The following SLC38A10 variants were observed in gnomAD, a reference collection of about 807,000 sequenced individuals.
The protein encoded by SLC38A10 is solute carrier family 38 member 10.
Under a neutral mutation model 81.0 loss-of-function variants are expected in SLC38A10, and 53 were observed. The ratio of observed to expected loss-of-function variants is 0.65; its 90% CI spans 0.53 to 0.82. The LOEUF is 0.82. Ranked by LOEUF, SLC38A10 falls within the 40% of genes least tolerant of loss-of-function variation. SLC38A10 has a pLI of 0.00. For missense variants in SLC38A10, 1,471 were observed against 1,545.0 expected, an observed-to-expected ratio of 0.95 and a Z score of 0.80; for synonymous variants, 665 against 655.3, an observed-to-expected ratio of 1.01 and a Z score of -0.23.
Position 81,277,054 on chromosome 17 carries a change from C to T in SLC38A10, c.706G>A (p.Val236Met). The T allele has an allele frequency of 6.2e-7, 1 of 1,614,008 alleles. No homozygotes were observed. Among genetic ancestry groups the T allele is most frequent in the Middle Eastern group, 1.7e-4 (1 of 6,058 alleles). ...ACCATGACGTAGAAGGTGGTGACCA[C>T]ATTAAGGGAGGAAGCAAATATGGAG... is the stretch of plus-strand genomic sequence containing the variant. Reference protein sequence around the residue: ...MSSIFASSLNVVTTFYVMVGF... With the variant: ...MSSIFASSLNMVTTFYVMVGF... Residue 236 changes from valine (V) to methionine (M), a missense_variant, in exon 7 of 16, where the codon GTG becomes ATG. By Grantham distance (21) the Val-to-Met change is conservative. Coordinates refer to ENST00000374759, the MANE Select transcript of SLC38A10 (RefSeq NM_001037984.3). This position sits in a 1 kb window ranked among gnomAD's most constrained non-coding sequence, Gnocchi z 4.5.
chr17:81,256,939 A>C (rs1323808017), intron 11 of SLC38A10, among the ~76,000 whole-genome samples: 1 of 152,176 alleles, frequency 6.6e-6, no homozygotes, highest in Non-Finnish European at 1.5e-5. Flanking sequence ...CCTCCTCACC[A>C]CTGCTTTTGC....
chr17:81,260,907 G>A (rs2063017345), intron 10 of SLC38A10, among the ~76,000 whole-genome samples: 1 of 152,266 alleles, frequency 6.6e-6, no homozygotes, highest in South Asian at 2.1e-4. Context: ...CAAAGCGAGT[G>A]CTCCTGCACA....
At chr17:81,251,879 C>T (rs903916885) in intron 13 of SLC38A10, 28 of 517,500 alleles carry the variant, frequency 5.4e-5, no homozygotes, top group African/African-American at 2.4e-4. Flanking sequence ...AGCTCTTAGA[C>T]GGGCACTTAA....
chr17:81,282,391 T>G, intron 4 of SLC38A10, 59 bp from the exon 5 acceptor site: 1 of 1,553,658 alleles, frequency 6.4e-7, no homozygotes, highest in Non-Finnish European at 8.7e-7. Flanking sequence ...CACCGGGCTC[T>G]CTGCACTGAC....
At chr17:81,292,459 C>CA (rs370234099) in intron 1 of SLC38A10, among the ~76,000 whole-genome samples, 3,309 of 144,520 alleles carry the variant, frequency 0.023, 50 homozygotes, top group African/African-American at 0.048. Flanking sequence ...ACTACTAAAA[C>CA]AAAAAAAAAA....
intron 10 of SLC38A10, chr17:81,264,867 C>G (rs574109353): frequency 2.6e-5 from 4 of 152,320 alleles, no homozygotes; most frequent in Admixed American, 1.3e-4. Flanking sequence ...CTGCATCTTC[C>G]AAGAGCAGGG....
At position 81,265,943 on chromosome 17, in the gene SLC38A10, A is replaced by T. The variant is rs2063066620; in HGVS notation, c.1131+4975T>A. 6.6e-6 allele frequency among the ~76,000 whole-genome samples: 1 copy of T among 152,238 alleles called. No individual in the cohort carries two copies. The highest frequency in any genetic ancestry group is 6.5e-5 in the Admixed American group (1 of 15,280). Reference sequence around the variant, plus strand: ...GCACAGCCAAACTGCGGTGAATGTGATTCAGTGCGCTTTCTAGCTTCCAAA... The same window carrying T: ...GCACAGCCAAACTGCGGTGAATGTGTTTCAGTGCGCTTTCTAGCTTCCAAA... On this transcript the variant is annotated intron_variant, in intron 10 of 15. Transcript: ENST00000374759. This position sits in a 1 kb window ranked among gnomAD's most constrained non-coding sequence, Gnocchi z 4.2.
In SLC38A10 at chr17:81,286,389, C is replaced by T. The variant is rs901947613; in HGVS notation, c.218-1494G>A. ...GTTCCCAGGACAACGTCCTGAGAGC[C>T]CACCACGCTGAGACACGGCCCCACG... On this transcript the variant is annotated intron_variant, in intron 2 of 15. Coordinates refer to ENST00000374759, the MANE Select transcript of SLC38A10 (RefSeq NM_001037984.3). The surrounding 1 kb of genome is among the most constrained non-coding windows in gnomAD (Gnocchi z 6.0). 1.3e-5 allele frequency among the ~76,000 whole-genome samples: 2 copies of T among 152,140 alleles called. No individual in the cohort carries two copies. The highest frequency in any genetic ancestry group is 2.4e-5 in the African/African-American group (1 of 41,432).
In SLC38A10 at chr17:81,253,122, T is replaced by G; in HGVS notation, c.1407A>C (p.Glu469Asp). 6.2e-7 allele frequency: 1 copy of G among 1,613,916 alleles called. No individual in the cohort carries two copies. The highest frequency in any genetic ancestry group is 8.5e-7 in the Non-Finnish European group (1 of 1,180,040). ...CCTCCTCCGGTGCCTCCTTGCCATC[T>G]TCCCGTCCAGGCACATCCACGGGCC... ...IKGPVDVPGREDGKEAPEEAQ... is the reference protein window; with the variant it reads ...IKGPVDVPGRDDGKEAPEEAQ... Residue 469 changes from glutamate to aspartate, a missense_variant, in exon 12 of 16, where the codon GAA becomes GAC. Glu to Asp is a conservative substitution (Grantham distance 45, BLOSUM62 2). This residue lies in a region of SLC38A10 where 720 missense variants were observed against 827.7 expected (regional missense o/e 0.87). Transcript: ENST00000374759. This position sits in a 1 kb window ranked among gnomAD's most constrained non-coding sequence, Gnocchi z 4.1.
intron 11 of SLC38A10, among the ~76,000 whole-genome samples, chr17:81,256,145 A>C (rs1371597229): frequency 1.3e-5 from 2 of 152,234 alleles, no homozygotes; most frequent in South Asian, 4.1e-4. Context: ...CCTTCCTAAC[A>C]AGTGACAGAG....
chr17:81,269,379 G>A (rs1381083080), intron 10 of SLC38A10, among the ~76,000 whole-genome samples: 1 of 152,134 alleles, frequency 6.6e-6, no homozygotes. Flanking sequence ...TGGGTGTGGT[G>A]GCACACACCT....
Position 81,246,132 on chromosome 17 carries a change from G to A in SLC38A10, c.2784C>T (p.Pro928=). ...GGCCCAGGTCTCGGCTCACTTGCTT[G>A]GGCTTCATGCGAGGGTCCCCCGTCT... ...GAETGDPRMK[P]KQVSRDLGLA... Residue 928 remains proline (P), a synonymous_variant, in exon 16 of 16, where the codon CCC becomes CCT. Coordinates refer to ENST00000374759, the MANE Select transcript of SLC38A10 (RefSeq NM_001037984.3). 2 of 1,609,996 alleles carry A rather than the reference G, an allele frequency of 1.2e-6. No homozygotes were observed. The highest frequency in any genetic ancestry group is 1.7e-6 in the Non-Finnish European group (2 of 1,179,702).
chr17:81,272,554 A>T lies in SLC38A10; in HGVS notation c.986T>A (p.Val329Glu). The change falls in exon 9 of 16, where the codon GTG becomes GAG. Residue 329 changes from valine to glutamate, a missense_variant. Physicochemically the swap from Val to Glu is moderately radical, Grantham distance 121. Transcript: ENST00000374759. ...LRFKALTLSV[V>E]FGTMVGGILI... ...GATGCCACCAACCATGGTTCCAAAC[A>T]CCACAGAGAGGGTAAGTGCTTTAAA... 6.3e-7 allele frequency: 1 copy of T among 1,599,316 alleles called. No homozygotes were observed. The highest frequency in any genetic ancestry group is 8.5e-7 in the Non-Finnish European group (1 of 1,173,922).
At chr17:81,279,446 G>T (rs1013302661) in intron 6 of SLC38A10, among the ~76,000 whole-genome samples, 1 of 152,184 alleles carries the variant, frequency 6.6e-6, no homozygotes, top group Non-Finnish European at 1.5e-5. Context: ...AACATTCCTG[G>T]GTTCAGAGGT....
chr17:81,294,994 C>T lies in SLC38A10; in HGVS notation c.-73G>A. 29 of 1,484,352 alleles carry T rather than the reference C, an allele frequency of 2.0e-5. No individual in the cohort carries two copies. The highest frequency in any genetic ancestry group is 2.6e-5 in the Non-Finnish European group (29 of 1,114,994). The allele number at this position is 1,484,352 out of a possible 1,614,324, so 91.9% of individuals were successfully genotyped here. ...GCTGCGGCCGGCTTTGGAAGCCCAGCCCGAGGCCACGGTCACAGGTCCCAA... is the reference window on the plus strand; with the variant it reads ...GCTGCGGCCGGCTTTGGAAGCCCAGTCCGAGGCCACGGTCACAGGTCCCAA... On this transcript the variant is annotated 5_prime_UTR_variant, in exon 1 of 16. Transcript: ENST00000374759.
chr17:81,251,901 C>T (rs2062918695), intron 13 of SLC38A10: 1 of 517,104 alleles, frequency 1.9e-6, no homozygotes, highest in Admixed American at 3.8e-5. Context: ...AACGTGTTAC[C>T]TGTCAGGCGC....
intron 14 of SLC38A10, 179 bp downstream of exon 14, chr17:81,251,314 C>T: frequency 1.2e-6 from 2 of 1,612,912 alleles, no homozygotes; most frequent in East Asian, 4.5e-5. Context: ...TCCCAGAAAG[C>T]AAGCTGCTGA....
At chr17:81,273,725 C>T (rs530251382) in intron 8 of SLC38A10, among the ~76,000 whole-genome samples, 2 of 152,288 alleles carry the variant, frequency 1.3e-5, no homozygotes, top group South Asian at 2.1e-4. Flanking sequence ...GACATAGACC[C>T]AGAGAAGGGG....
Position 81,281,513 on chromosome 17 carries a change from A to T in SLC38A10, c.501+676T>A, listed in dbSNP as rs781483657. On this transcript the variant is annotated intron_variant, in intron 5 of 15. Coordinates refer to ENST00000374759, the MANE Select transcript of SLC38A10 (RefSeq NM_001037984.3). The surrounding 1 kb of genome is among the most constrained non-coding windows in gnomAD (Gnocchi z 5.3). ...TAATAGCGGCCGGGCGTGGTGGCTCATGCCTGTAACCCCAGCACTTTGGGA... is the reference window on the plus strand; with the variant it reads ...TAATAGCGGCCGGGCGTGGTGGCTCTTGCCTGTAACCCCAGCACTTTGGGA... Among the ~76,000 whole-genome samples the T allele has an allele frequency of 5.3e-5, 8 of 152,142 alleles. No individual in the cohort carries two copies. The highest frequency in any genetic ancestry group is 1.4e-4 in the African/African-American group (6 of 41,428).
Sources: gnomAD v4.1 joint callset for allele counts (sites outside exome capture counted in the v4.1 genomes callset) on GRCh38, gnomAD v4.1.1 for gene constraint, gnomAD v4.1.1 regional missense constraint, Gnocchi (gnomAD v3.1) non-coding constraint, MANE v1.5 for transcripts, NCBI Gene and HGNC (gene_info 2026-07-23, HGNC 2026-07-21) for gene names.